The following TUT7 variants were observed in gnomAD, a reference collection of about 807,000 sequenced individuals.
The protein encoded by TUT7 is terminal uridylyltransferase 7.
TUT7 carries 33 observed loss-of-function variants against 165.9 expected under a neutral mutation model. That is an observed-to-expected ratio of 0.20 (90% confidence interval 0.15 to 0.27). The LOEUF (loss-of-function observed/expected upper bound fraction) is 0.27, where lower values mean the gene tolerates loss of function less well. Among genes scored for constraint, TUT7 ranks in the 10% least tolerant of loss-of-function variants. The probability of loss-of-function intolerance (pLI) is 1.00; values close to 1 mark genes in which losing one functional copy is unlikely to be tolerated. For synonymous variants in TUT7, 552 were observed against 608.1 expected (o/e 0.91, Z 1.36); for missense variants, 1,338 against 1,762.3 (o/e 0.76, Z 4.31).
In TUT7 at chr9:86,353,038, C is replaced by G; in HGVS notation, c.162G>C (p.Lys54Asn). 6.2e-7 allele frequency: 1 copy of G among 1,614,096 alleles called. No homozygotes were observed. The highest frequency in any genetic ancestry group is 8.5e-7 in the Non-Finnish European group (1 of 1,179,984). ...TCCCATAGTTCCCTGGTGTTATCTT[C>G]TTTTTTTGAAGGCCCTTTTCCATTT... ...GSKMEKGLQK[K>N]KITPGNYGNT... Residue 54 changes from lysine to asparagine, a missense_variant, in exon 2 of 27, where the codon AAG becomes AAC. Coordinates refer to ENST00000375963, the MANE Select transcript of TUT7 (RefSeq NM_024617.4).
chr9:86,312,219 G>T lies in TUT7; in HGVS notation c.3275-1410C>A, dbSNP rs370434077. On this transcript the variant is annotated intron_variant, in intron 17 of 26. Coordinates refer to ENST00000375963, the MANE Select transcript of TUT7 (RefSeq NM_024617.4). Reference sequence around the variant, plus strand: ...CCATCCCATCTAGGAAGTGAGGAGCGTCTCTGCCCGGCCACCCATCGTCTG... The same window carrying T: ...CCATCCCATCTAGGAAGTGAGGAGCTTCTCTGCCCGGCCACCCATCGTCTG... Among the ~76,000 whole-genome samples, 8 of 150,304 alleles carry T rather than the reference G, an allele frequency of 5.3e-5. No homozygotes were observed. In the South Asian group the frequency reaches 1.7e-3, roughly 32 times the overall value.
intron 8 of TUT7, 129 bp from the exon 9 acceptor site, chr9:86,339,078 A>C: frequency 1.2e-6 from 1 of 857,576 alleles, no homozygotes; most frequent in Non-Finnish European, 1.5e-6. Flanking sequence ...AAAAGCTTAA[A>C]AGTGAAAAAA....
At chr9:86,331,388 C>T (rs1830299676) in intron 10 of TUT7, among the ~76,000 whole-genome samples, 1 of 152,164 alleles carries the variant, frequency 6.6e-6, no homozygotes, top group Admixed American at 6.5e-5. Flanking sequence ...TATGATGTAT[C>T]AGTTTATACT....
At position 86,337,495 on chromosome 9, in the gene TUT7, T is replaced by A; in HGVS notation, c.1379A>T (p.Tyr460Phe). 1 of 1,613,802 alleles carries A rather than the reference T, an allele frequency of 6.2e-7. No individual in the cohort carries two copies. The highest frequency in any genetic ancestry group is 8.5e-7 in the Non-Finnish European group (1 of 1,179,838). ...DRPEEGGLPP[Y>F]VFALMAIFFL... Reference sequence around the variant, plus strand: ...GAAAATGGCCATCAGGGCAAACACATAAGGTGGCAGACCTCCTTCTTCAGG... The same window carrying A: ...GAAAATGGCCATCAGGGCAAACACAAAAGGTGGCAGACCTCCTTCTTCAGG... Residue 460 changes from tyrosine to phenylalanine, a missense_variant, in exon 10 of 27, where the codon TAT (tyrosine) becomes TTT (phenylalanine). Around this residue, in one of 7 missense-constraint regions of TUT7, gnomAD observed 74 missense variants for 128.5 expected, o/e 0.58. Transcript: ENST00000375963.
At chr9:86,316,709 C>A (rs916336738) in intron 17 of TUT7, among the ~76,000 whole-genome samples, 3 of 152,154 alleles carry the variant, frequency 2.0e-5, no homozygotes, top group Non-Finnish European at 2.9e-5. Context: ...GTCTTTCATA[C>A]TTACGCATAC....
chr9:86,338,671 G>A (rs548509030), intron 9 of TUT7, 152 bp downstream of exon 9: 14 of 723,870 alleles, frequency 1.9e-5, no homozygotes, highest in African/African-American at 1.7e-4. Context: ...TGAATCTTCC[G>A]TCTGTACGTT....
At chr9:86,302,560 C>A (rs550128473) in intron 25 of TUT7, among the ~76,000 whole-genome samples, 2 of 151,820 alleles carry the variant, frequency 1.3e-5, no homozygotes, top group South Asian at 2.1e-4. Flanking sequence ...TCAAGTGATC[C>A]GCCTGCCTTG....
intron 10 of TUT7, among the ~76,000 whole-genome samples, chr9:86,335,500 TTG>T (rs1017527847): frequency 2.6e-5 from 4 of 152,130 alleles, no homozygotes; most frequent in African/African-American, 9.7e-5. Context: ...ACTAAAAGAT[TTG>T]TGAAAAGACA....
intron 14 of TUT7, among the ~76,000 whole-genome samples, chr9:86,322,104 TA>T (rs2131430791): frequency 6.6e-6 from 1 of 152,058 alleles, no homozygotes; most frequent in Non-Finnish European, 1.5e-5. Context: ...TTTTTTTAAA[TA>T]AAAAAGATCC....
intron 6 of TUT7, 22 bp downstream of exon 6, chr9:86,343,053 C>CA: frequency 6.7e-7 from 1 of 1,498,024 alleles, no homozygotes; most frequent in Non-Finnish European, 9.2e-7. Flanking sequence ...CTGAAAGTGC[C>CA]AGCATTTCAT....
chr9:86,339,122 T>C (rs1322999736), intron 8 of TUT7, among the ~76,000 whole-genome samples, 173 bp from the exon 9 acceptor site: 1 of 152,242 alleles, frequency 6.6e-6, no homozygotes, highest in Non-Finnish European at 1.5e-5. Context: ...ATAAATTTTC[T>C]TTACAAAAAA....
rs764812890 is a variant in TUT7 at position 86,337,367 on chromosome 9, G to T, written c.1455+52C>A. On this transcript the variant is annotated intron_variant, in intron 10 of 26. Transcript: ENST00000375963. The stretch of plus-strand genomic sequence containing the variant: ...TTGAAATTATGCAAAATTTAATTGT[G>T]GACCTGTAATAAAATCTGTTCAGAT... The T allele has an allele frequency of 1.9e-6, 3 of 1,560,910 alleles. No individual in the cohort carries two copies. In the African/African-American group the frequency reaches 4.2e-5, roughly 22 times the overall value.
At chr9:86,324,537 G>T (rs1270061915) in intron 12 of TUT7, 1 of 152,196 alleles carries the variant, frequency 6.6e-6, no homozygotes, top group Non-Finnish European at 1.5e-5. Flanking sequence ...GCAGGGGAGG[G>T]TTTAAAAATG....
chr9:86,338,813 T>C lies in TUT7; in HGVS notation c.1335+10A>G. ...TAGAATGTATTCATGCATAAAGACC[T>C]CAAGCCTACCTTTGCCCAGTACCTA... On this transcript the variant is annotated intron_variant, in intron 9 of 26. Transcript: ENST00000375963. 6.3e-7 allele frequency: 1 copy of C among 1,596,848 alleles called. No individual in the cohort carries two copies. The highest frequency in any genetic ancestry group is 8.5e-7 in the Non-Finnish European group (1 of 1,171,892).
chr9:86,300,185 G>A (rs1257103536), intron 26 of TUT7, among the ~76,000 whole-genome samples: 1 of 151,942 alleles, frequency 6.6e-6, no homozygotes, highest in African/African-American at 2.4e-5. Context: ...AAAAATAATA[G>A]ATAAAAATTT....
At chr9:86,349,324 G>C (rs1336267644) in intron 2 of TUT7, among the ~76,000 whole-genome samples, 3 of 151,790 alleles carry the variant, frequency 2.0e-5, no homozygotes, top group Non-Finnish European at 4.4e-5. Context: ...TTACTTGGAG[G>C]AAGACTACCT....
At chr9:86,312,325 G>T (rs1828208535) in intron 17 of TUT7, among the ~76,000 whole-genome samples, 1 of 151,918 alleles carries the variant, frequency 6.6e-6, no homozygotes, top group South Asian at 2.1e-4. Flanking sequence ...TCTGAGAAGT[G>T]AGGAGACCCT....
At chr9:86,322,606 C>T in intron 13 of TUT7, 131 bp from the exon 14 acceptor site, 1 of 1,170,784 alleles carries the variant, frequency 8.5e-7, no homozygotes, top group Non-Finnish European at 1.2e-6. Flanking sequence ...AACATGCATC[C>T]ACTCAAATGA....
chr9:86,330,251 G>A (rs1830191804), intron 10 of TUT7, among the ~76,000 whole-genome samples: 1 of 152,012 alleles, frequency 6.6e-6, no homozygotes, highest in African/African-American at 2.4e-5. Context: ...TAGTAGAGAT[G>A]GAGTTTCACC....
Sources: gnomAD v4.1 joint callset for allele counts (sites outside exome capture counted in the v4.1 genomes callset) on GRCh38, gnomAD v4.1.1 for gene constraint, gnomAD v4.1.1 regional missense constraint, MANE v1.5 for transcripts, NCBI Gene and HGNC (gene_info 2026-07-23, HGNC 2026-07-21) for gene names.